The following STAP1 variants were observed in gnomAD, a reference collection of about 807,000 sequenced individuals.
STAP1 encodes the protein signal-transducing adaptor protein 1.
Under a neutral mutation model 37.8 loss-of-function variants are expected in STAP1, and 30 were observed. The ratio of observed to expected loss-of-function variants is 0.79; its 90% CI spans 0.59 to 1.08. STAP1 has a LOEUF of 1.08. STAP1 is among the 50% of genes least tolerant of loss of function. STAP1 has a pLI of 0.00. For synonymous variants in STAP1, 130 were observed against 116.0 expected, an observed-to-expected ratio of 1.12 and a Z score of -0.78; for missense variants, 357 against 349.4, an observed-to-expected ratio of 1.02 and a Z score of -0.17.
At chr4:67,579,963 T>G (rs1727814412) in intron 4 of STAP1, among the ~76,000 whole-genome samples, 1 of 152,154 alleles carries the variant, frequency 6.6e-6, no homozygotes, top group Admixed American at 6.5e-5. Flanking sequence ...CCTCCCAGGT[T>G]TAAGCAATCG....
chr4:67,579,939 C>A (rs564957455), intron 4 of STAP1, among the ~76,000 whole-genome samples: 1 of 152,228 alleles, frequency 6.6e-6, no homozygotes, highest in East Asian at 1.9e-4. Flanking sequence ...GATCCCGGCT[C>A]ACTGCAAATT....
At chr4:67,588,419 G>GT (rs1208249041) in intron 6 of STAP1, among the ~76,000 whole-genome samples, 6 of 151,418 alleles carry the variant, frequency 4.0e-5, no homozygotes, top group South Asian at 2.1e-4. Context: ...TTTTGTTTTT[G>GT]TTTTTTTTGA....
At chr4:67,584,152 A>G (rs1347648166) in intron 6 of STAP1, among the ~76,000 whole-genome samples, 1 of 151,980 alleles carries the variant, frequency 6.6e-6, no homozygotes, top group Non-Finnish European at 1.5e-5. Context: ...CATAAAAGCA[A>G]TGCTAAAGAC....
chr4:67,578,523 T>C (rs960654245), intron 4 of STAP1, among the ~76,000 whole-genome samples: 1 of 151,780 alleles, frequency 6.6e-6, no homozygotes, highest in Non-Finnish European at 1.5e-5. Flanking sequence ...TGTTGACTTC[T>C]GAGAGGGAGA....
chr4:67,593,356 G>T lies in STAP1; in HGVS notation c.826G>T (p.Gly276Cys). The T allele has an allele frequency of 6.3e-7, 1 of 1,596,020 alleles. No homozygotes were observed. Residue 276 changes from glycine to cysteine, a missense_variant and splice_region_variant, in exon 8 of 9, where the codon GGT becomes TGT. Gly to Cys is a radical substitution (Grantham distance 159, BLOSUM62 -3). Transcript: ENST00000265404. ...TATATGTTCAACTGATGAAAACACT[G>T]GTATGTTTTTCACTTCATTGCTATG... ...PFICSTDENT[G>C]QEPSMEGRSE...
At chr4:67,583,091 TAAC>T (rs1727901128) in intron 5 of STAP1, among the ~76,000 whole-genome samples, 1 of 152,180 alleles carries the variant, frequency 6.6e-6, no homozygotes, top group South Asian at 2.1e-4. Flanking sequence ...CACATAAAAA[TAAC>T]AACAATGCCA....
chr4:67,577,974 T>C (rs1240648724), intron 4 of STAP1, among the ~76,000 whole-genome samples: 1 of 152,160 alleles, frequency 6.6e-6, no homozygotes, highest in Non-Finnish European at 1.5e-5. Flanking sequence ...ATTTATTTAA[T>C]ACATATTTAT....
intron 1 of STAP1, among the ~76,000 whole-genome samples, chr4:67,560,642 G>A (rs559627586): frequency 3.5e-4 from 20 of 57,216 alleles, no homozygotes; most frequent in African/African-American, 9.2e-4. Context: ...TTGTGTGTGT[G>A]GGTGTGTGTC....
At position 67,577,315 on chromosome 4, in the gene STAP1, G is replaced by T; in HGVS notation, c.363+56G>T. On this transcript the variant is annotated intron_variant, in intron 4 of 8. Transcript: ENST00000265404. ...TTTTTTTTTTCAACAAATATCTGCT[G>T]AACACCCTATGATCCATGCAGAGTG... 3 of 1,493,128 alleles carry T rather than the reference G, an allele frequency of 2.0e-6. No individual in the cohort carries two copies. The South Asian group carries it at 3.7e-5, about 18-fold the overall frequency. The allele number at this position is 1,493,128 out of a possible 1,614,324, so 92.5% of individuals were successfully genotyped here.
intron 8 of STAP1, among the ~76,000 whole-genome samples, chr4:67,596,318 G>A (rs1357254108): frequency 6.6e-6 from 1 of 152,176 alleles, no homozygotes; most frequent in African/African-American, 2.4e-5. Context: ...TGAGGCTTCT[G>A]TAGCCATGCA....
intron 4 of STAP1, among the ~76,000 whole-genome samples, chr4:67,577,696 C>T (rs892078663): frequency 1.3e-5 from 2 of 148,376 alleles, no homozygotes; most frequent in African/African-American, 2.5e-5. Flanking sequence ...GTCACCCAGG[C>T]TGGAGTGCAG....
At chr4:67,573,338 G>A (rs1312941267) in intron 2 of STAP1, among the ~76,000 whole-genome samples, 1 of 152,154 alleles carries the variant, frequency 6.6e-6, no homozygotes, top group Non-Finnish European at 1.5e-5. Flanking sequence ...AGGATACCCT[G>A]GCAGAGATGC....
At chr4:67,604,552 G>A (rs1728410473) in intron 8 of STAP1, among the ~76,000 whole-genome samples, 1 of 152,166 alleles carries the variant, frequency 6.6e-6, no homozygotes, top group Non-Finnish European at 1.5e-5. Context: ...ACCTCATGAA[G>A]CATAGCTGCT....
At chr4:67,592,838 C>T (rs1728148742) in intron 7 of STAP1, among the ~76,000 whole-genome samples, 1 of 152,102 alleles carries the variant, frequency 6.6e-6, no homozygotes. Flanking sequence ...TGTAAGCTAC[C>T]ACACCTAGCT....
intron 6 of STAP1, among the ~76,000 whole-genome samples, chr4:67,587,117 C>T (rs932004550): frequency 6.6e-5 from 10 of 152,132 alleles, no homozygotes; most frequent in African/African-American, 2.2e-4. Context: ...TAAAGGATAA[C>T]AGTTGTACAG....
chr4:67,567,444 G>A (rs778926798), intron 1 of STAP1, among the ~76,000 whole-genome samples: 1 of 152,132 alleles, frequency 6.6e-6, no homozygotes, highest in Non-Finnish European at 1.5e-5. Flanking sequence ...TGCCCCTGAG[G>A]TTGATTGCTG....
intron 1 of STAP1, among the ~76,000 whole-genome samples, chr4:67,563,527 G>T (rs545526029): frequency 6.6e-6 from 1 of 152,070 alleles, no homozygotes; most frequent in African/African-American, 2.4e-5. Context: ...GCAATATAGC[G>T]AAACCCCATT....
chr4:67,568,444 G>C (rs1038845300), intron 1 of STAP1, among the ~76,000 whole-genome samples: 1 of 152,128 alleles, frequency 6.6e-6, no homozygotes, highest in African/African-American at 2.4e-5. Flanking sequence ...GCATATGAAA[G>C]TAAATCTTTA....
intron 6 of STAP1, among the ~76,000 whole-genome samples, chr4:67,589,106 C>T (rs1032505349): frequency 3.3e-5 from 5 of 152,086 alleles, no homozygotes; most frequent in Non-Finnish European, 5.9e-5. Flanking sequence ...GAACAGCAAT[C>T]CCTTATTTAA....
Sources: allele counts gnomAD v4.1 joint callset (sites outside exome capture counted in the v4.1 genomes callset), GRCh38; gene constraint gnomAD v4.1.1; transcripts MANE v1.5; gene names NCBI Gene and HGNC (gene_info 2026-07-23, HGNC 2026-07-21).